Variants in ZNF385D observed in about 807,000 individuals in gnomAD.
The protein encoded by ZNF385D is zinc finger protein 385D.
Under a neutral mutation model 35.8 loss-of-function variants are expected in ZNF385D, and 15 were observed. The observed-to-expected ratio is 0.42, with a 90% CI of 0.28 to 0.64. The LOEUF (loss-of-function observed/expected upper bound fraction) is 0.64, where lower values mean the gene tolerates loss of function less well. Ranked by LOEUF, ZNF385D falls within the 30% of genes least tolerant of loss-of-function variation. The pLI, the probability that ZNF385D is intolerant of heterozygous loss-of-function variation, is 0.23. For missense variants in ZNF385D, 474 were observed against 494.6 expected, an observed-to-expected ratio of 0.96 and a Z score of 0.39; for synonymous variants, 212 against 186.8, an observed-to-expected ratio of 1.13 and a Z score of -1.10.
At chr3:21,954,382 T>C (rs1469318759) in intron 3 of ZNF385D, among the ~76,000 whole-genome samples, 1 of 152,024 alleles carries the variant, frequency 6.6e-6, no homozygotes, top group Non-Finnish European at 1.5e-5. Flanking sequence ...AAATTAGAGT[T>C]TTTGACACAT....
At chr3:21,957,780 C>T (rs535316093) in intron 3 of ZNF385D, among the ~76,000 whole-genome samples, 1 of 152,168 alleles carries the variant, frequency 6.6e-6, no homozygotes, top group African/African-American at 2.4e-5. Flanking sequence ...GTCTGCCTAC[C>T]CAACATTTTG....
chr3:21,618,486 A>G (rs1413484050), intron 2 of ZNF385D, among the ~76,000 whole-genome samples: 2 of 152,166 alleles, frequency 1.3e-5, no homozygotes, highest in African/African-American at 2.4e-5. Context: ...GTTTCTACTC[A>G]TCGTGTGGTA....
chr3:21,736,925 T>A (rs772400260), intron 1 of ZNF385D, among the ~76,000 whole-genome samples: 8 of 152,188 alleles, frequency 5.3e-5, no homozygotes, highest in Non-Finnish European at 1.0e-4. Flanking sequence ...ATATGCCTTT[T>A]CCCAGCAATC....
intron 2 of ZNF385D, among the ~76,000 whole-genome samples, chr3:22,265,842 C>T (rs866587305): frequency 1.3e-5 from 2 of 152,002 alleles, no homozygotes; most frequent in South Asian, 2.1e-4. Flanking sequence ...CATTTTTGCA[C>T]GTGGGAAAAT....
intron 2 of ZNF385D, among the ~76,000 whole-genome samples, chr3:22,342,091 C>A (rs187891022): frequency 6.6e-6 from 1 of 151,780 alleles, no homozygotes; most frequent in Non-Finnish European, 1.5e-5. Flanking sequence ...CTGGCTAACA[C>A]GGTGAAACCC....
At chr3:22,148,382 T>C (rs559033045) in intron 3 of ZNF385D, among the ~76,000 whole-genome samples, 7 of 152,356 alleles carry the variant, frequency 4.6e-5, no homozygotes, top group Non-Finnish European at 8.8e-5. Context: ...AGGACAGAAC[T>C]GCTTATTCAC....
At chr3:22,049,420 T>G (rs1315453917) in intron 3 of ZNF385D, among the ~76,000 whole-genome samples, 1 of 152,152 alleles carries the variant, frequency 6.6e-6, no homozygotes, top group African/African-American at 2.4e-5. Flanking sequence ...GTTCTTTTTT[T>G]TTGGCGGATT....
At chr3:22,130,454 A>G (rs1480178534) in intron 3 of ZNF385D, among the ~76,000 whole-genome samples, 1 of 152,156 alleles carries the variant, frequency 6.6e-6, no homozygotes, top group Non-Finnish European at 1.5e-5. Flanking sequence ...TGTGATGGGT[A>G]CAGCTAGAAC....
At chr3:21,786,619 T>C (rs1369117427) in intron 3 of ZNF385D, among the ~76,000 whole-genome samples, 4 of 152,210 alleles carry the variant, frequency 2.6e-5, no homozygotes, top group Non-Finnish European at 4.4e-5. Flanking sequence ...TATCTCCCAT[T>C]GTGCAAAAAC....
intron 3 of ZNF385D, among the ~76,000 whole-genome samples, chr3:22,077,761 C>T (rs1271997991): frequency 6.6e-6 from 1 of 151,948 alleles, no homozygotes; most frequent in Non-Finnish European, 1.5e-5. Flanking sequence ...GAAGCTGTTT[C>T]TAACAACAAC....
At chr3:22,326,483 A>T (rs1694685393) in intron 2 of ZNF385D, among the ~76,000 whole-genome samples, 1 of 152,170 alleles carries the variant, frequency 6.6e-6, no homozygotes, top group Non-Finnish European at 1.5e-5. Flanking sequence ...CCTTGAGGAA[A>T]GTGTTATCAC....
chr3:21,468,401 C>CAAAAAAAAAAAAAAAAA (rs1175784477), intron 4 of ZNF385D, among the ~76,000 whole-genome samples: 1 of 72,650 alleles, frequency 1.4e-5, no homozygotes, highest in Non-Finnish European at 2.4e-5. Flanking sequence ...GACACTGTCT[C>CAAAAAAAAAAAAAAAAA]AAAAAAAAAA....
chr3:21,949,678 G>A (rs770860385), intron 3 of ZNF385D, among the ~76,000 whole-genome samples: 9 of 151,018 alleles, frequency 6.0e-5, no homozygotes, highest in Non-Finnish European at 1.3e-4. Context: ...TCTACATTAG[G>A]TATTTCTCCT....
chr3:21,476,448 T>C (rs1418634735), intron 4 of ZNF385D, among the ~76,000 whole-genome samples: 2 of 151,988 alleles, frequency 1.3e-5, no homozygotes, highest in African/African-American at 2.4e-5. Flanking sequence ...CACATACAAA[T>C]TAGAATTTTT....
In ZNF385D at chr3:21,412,934, G is replaced by C. The variant is rs1445662259; in HGVS notation, c.*8280C>G. The stretch of plus-strand genomic sequence containing the variant: ...GGGGATTTTATCACATATCATGTAG[G>C]GTGAGAAATTGATGTTTGGGGAGAT... On this transcript the variant is annotated 3_prime_UTR_variant, in exon 8 of 8. Transcript: ENST00000281523. The C allele has an allele frequency of 6.6e-6, 1 of 151,856 alleles. No individual in the cohort carries two copies. Among genetic ancestry groups the C allele is most frequent in the African/African-American group, 2.4e-5 (1 of 41,308 alleles). 9.4% of individuals were successfully genotyped at this position (151,856 alleles called of 1,614,324 possible). A position where few individuals can be genotyped will look rare whatever the true frequency, so the allele number is the denominator to read the frequency against.
intron 3 of ZNF385D, among the ~76,000 whole-genome samples, chr3:21,979,179 A>C (rs1694256949): frequency 6.6e-6 from 1 of 152,144 alleles, no homozygotes; most frequent in South Asian, 2.1e-4. Context: ...CTGGGTCCAA[A>C]CATTTGTAAA....
intron 3 of ZNF385D, among the ~76,000 whole-genome samples, chr3:21,562,971 A>G (rs1364106916): frequency 1.3e-5 from 2 of 152,102 alleles, no homozygotes; most frequent in African/African-American, 2.4e-5. Context: ...CACATAAAAT[A>G]TTATATGTTT....
intron 4 of ZNF385D, among the ~76,000 whole-genome samples, chr3:21,485,258 TA>T (rs983907244): frequency 1.3e-5 from 2 of 152,128 alleles, no homozygotes; most frequent in Non-Finnish European, 2.9e-5. Flanking sequence ...AGATGCCTTC[TA>T]AAAAAATGCT....
At chr3:21,643,256 G>A (rs1050769410) in intron 2 of ZNF385D, among the ~76,000 whole-genome samples, 16 of 152,072 alleles carry the variant, frequency 1.1e-4, no homozygotes, top group African/African-American at 3.6e-4. Flanking sequence ...TCAGTTCAAA[G>A]GAAAACACCA....
Sources: gnomAD v4.1 joint callset for allele counts (sites outside exome capture counted in the v4.1 genomes callset) on GRCh38, gnomAD v4.1.1 for gene constraint, MANE v1.5 for transcripts, NCBI Gene and HGNC (gene_info 2026-07-23, HGNC 2026-07-21) for gene names.